The following METTL14 variants were observed in gnomAD, a reference collection of about 807,000 sequenced individuals.
The protein encoded by METTL14 is methyltransferase 14, N6-adenosine-methyltransferase non-catalytic subunit.
In METTL14, 32 loss-of-function variants were observed where a neutral mutation model predicts 62.4. The observed-to-expected ratio is 0.51, with a 90% CI of 0.39 to 0.69. The LOEUF (loss-of-function observed/expected upper bound fraction) is 0.69. Among genes scored for constraint, METTL14 ranks in the 30% least tolerant of loss-of-function variants. The pLI is 0.00. For missense variants in METTL14, 340 were observed against 551.9 expected (o/e 0.62, Z 3.85); for synonymous variants, 150 against 180.0 (o/e 0.83, Z 1.34).
intron 1 of METTL14, 102 bp downstream of exon 1, chr4:118,685,702 C>T (rs1040554056): frequency 8.2e-6 from 8 of 981,164 alleles, no homozygotes; most frequent in African/African-American, 3.2e-5. Flanking sequence ...CTCTACCTGC[C>T]GCTGTTAAGG....
intron 5 of METTL14, among the ~76,000 whole-genome samples, chr4:118,692,602 A>G (rs1409725892): frequency 4.0e-5 from 6 of 151,642 alleles, no homozygotes; most frequent in Admixed American, 3.9e-4. Flanking sequence ...CGATATTACT[A>G]TTTTTTTGTT....
intron 4 of METTL14, 85 bp downstream of exon 4, chr4:118,691,697 A>G: frequency 1.5e-6 from 1 of 678,930 alleles, no homozygotes; most frequent in South Asian, 2.3e-5. Flanking sequence ...TTTGTCTTCA[A>G]GATGTTTTTT....
chr4:118,706,927 T>A (rs1724772779), intron 10 of METTL14, among the ~76,000 whole-genome samples: 1 of 152,224 alleles, frequency 6.6e-6, no homozygotes, highest in Non-Finnish European at 1.5e-5. Flanking sequence ...TATTTGGCTG[T>A]TTGTTTTCTT....
At chr4:118,700,320 GTGTATATA>G (rs1472643788) in intron 7 of METTL14, among the ~76,000 whole-genome samples, 1 of 152,124 alleles carries the variant, frequency 6.6e-6, no homozygotes, top group Non-Finnish European at 1.5e-5. Context: ...ATAACAGCAA[GTGTATATA>G]TGTATATATG....
intron 6 of METTL14, among the ~76,000 whole-genome samples, chr4:118,695,526 G>T (rs1001958610): frequency 3.9e-5 from 6 of 152,150 alleles, no homozygotes; most frequent in African/African-American, 1.4e-4. Context: ...TTTAGCCTGG[G>T]TGACGGAGTG....
In METTL14 at chr4:118,710,179, A is replaced by T. The variant is rs752987982; in HGVS notation, c.1248A>T (p.Gly416=). The T allele has an allele frequency of 6.2e-7, 1 of 1,614,206 alleles. No homozygotes were observed. Among genetic ancestry groups the T allele is most frequent in the Admixed American group, 1.7e-5 (1 of 60,018 alleles). Residue 416 remains glycine, a synonymous_variant, in exon 11 of 11, where the codon GGA becomes GGT. Transcript: ENST00000388822. The part of the protein sequence containing the change: ...SDRGGGAPRG[G]GRGGTSAGRG... Reference sequence around the variant, plus strand: ...GAGGAGGTGGAGCTCCCAGAGGTGGAGGAAGAGGTGGAACTTCTGCTGGCC... The same window carrying T: ...GAGGAGGTGGAGCTCCCAGAGGTGGTGGAAGAGGTGGAACTTCTGCTGGCC...
chr4:118,687,600 G>A (rs529151282), intron 1 of METTL14, among the ~76,000 whole-genome samples: 40 of 152,224 alleles, frequency 2.6e-4, no homozygotes, highest in African/African-American at 9.2e-4. Flanking sequence ...CACTTACAAC[G>A]TTTATTTTGA....
rs572819943 is a variant in METTL14 at position 118,709,797 on chromosome 4, A to G, written c.1067-201A>G. 2.0e-5 allele frequency among the ~76,000 whole-genome samples: 3 copies of G among 152,326 alleles called. No homozygotes were observed. The East Asian group carries it at 5.8e-4, about 29-fold the overall frequency. On this transcript the variant is annotated intron_variant, in intron 10 of 10. Coordinates refer to ENST00000388822, the MANE Select transcript of METTL14 (RefSeq NM_020961.4). ...AGGAGGATATATTACAAAAGTTACAATCTAGGAGGAGAAACAAGATATATA... is the reference window on the plus strand; with the variant it reads ...AGGAGGATATATTACAAAAGTTACAGTCTAGGAGGAGAAACAAGATATATA...
At chr4:118,689,270 A>G in intron 2 of METTL14, 100 bp from the exon 3 acceptor site, 1 of 574,864 alleles carries the variant, frequency 1.7e-6, no homozygotes. Flanking sequence ...ATCAGGAAAA[A>G]TTTGTCTTGT....
At chr4:118,696,944 T>C (rs1001897386) in intron 6 of METTL14, among the ~76,000 whole-genome samples, 8 of 152,120 alleles carry the variant, frequency 5.3e-5, no homozygotes, top group Non-Finnish European at 7.4e-5. Flanking sequence ...GTAGTTTAAT[T>C]ACGTTCATGT....
chr4:118,691,335 T>C (rs768386181), intron 3 of METTL14, among the ~76,000 whole-genome samples, 197 bp from the exon 4 acceptor site: 1 of 152,158 alleles, frequency 6.6e-6, no homozygotes, highest in Non-Finnish European at 1.5e-5. Flanking sequence ...TTATTTATGA[T>C]AGGAAATTTT....
At chr4:118,687,085 A>G (rs778006010) in intron 1 of METTL14, among the ~76,000 whole-genome samples, 1 of 152,248 alleles carries the variant, frequency 6.6e-6, no homozygotes, top group Non-Finnish European at 1.5e-5. Flanking sequence ...CAAAATGTTT[A>G]ACATGGTACC....
At chr4:118,694,785 T>G (rs914827019) in intron 6 of METTL14, among the ~76,000 whole-genome samples, 3 of 152,138 alleles carry the variant, frequency 2.0e-5, no homozygotes, top group Admixed American at 2.0e-4. Flanking sequence ...CTCCTGGCTC[T>G]ATTTTTCTTT....
intron 6 of METTL14, among the ~76,000 whole-genome samples, chr4:118,695,773 T>C (rs1278592902): frequency 6.6e-6 from 1 of 152,052 alleles, no homozygotes; most frequent in South Asian, 2.1e-4. Context: ...TCTTTGAAAT[T>C]GGAGAATTTA....
At chr4:118,689,025 G>C (rs1176788114) in intron 2 of METTL14, among the ~76,000 whole-genome samples, 1 of 152,088 alleles carries the variant, frequency 6.6e-6, no homozygotes, top group Non-Finnish European at 1.5e-5. Context: ...TATTTATTTG[G>C]TAGTTCAGAA....
chr4:118,704,079 T>A (rs75339844), intron 9 of METTL14, 28 bp downstream of exon 9: 2 of 1,374,802 alleles, frequency 1.5e-6, no homozygotes, highest in East Asian at 2.3e-5. Flanking sequence ...TTGTTTTTTT[T>A]AATTTTTGTG....
intron 1 of METTL14, chr4:118,686,539 C>G (rs773212936): frequency 2.2e-6 from 1 of 452,262 alleles, no homozygotes; most frequent in Non-Finnish European, 4.4e-6. Context: ...TCTTTATGGT[C>G]TGATGAACAG....
rs748164690 is a variant in METTL14, at chr4:118,685,501, A to C, written c.-34A>C. On this transcript the variant is annotated 5_prime_UTR_variant, in exon 1 of 11. Coordinates refer to ENST00000388822, the MANE Select transcript of METTL14 (RefSeq NM_020961.4). ...GATAAGAGTTCACTGGAGATTGACA[A>C]GTACTCGGGATAGTGAAAAGCCGGA... 5.0e-6 allele frequency: 8 copies of C among 1,604,996 alleles called. No homozygotes were observed. In the African/African-American group the frequency reaches 1.1e-4, roughly 21 times the overall value.
chr4:118,694,177 T>A (rs984738535), intron 5 of METTL14, among the ~76,000 whole-genome samples: 2 of 151,848 alleles, frequency 1.3e-5, no homozygotes, highest in Non-Finnish European at 2.9e-5. Flanking sequence ...GGTAATGGTT[T>A]AACTTAATAA....
Sources: allele counts gnomAD v4.1 joint callset (sites outside exome capture counted in the v4.1 genomes callset), GRCh38; gene constraint gnomAD v4.1.1; transcripts MANE v1.5; gene names NCBI Gene and HGNC (gene_info 2026-07-23, HGNC 2026-07-21).